Variants in CDC40 observed in about 807,000 individuals in gnomAD.
CDC40 encodes the protein cell division cycle 40, also known as pre-mRNA-processing factor 17.
In CDC40, 27 loss-of-function variants were observed where a neutral mutation model predicts 80.6. The observed-to-expected ratio is 0.33, with a 90% CI of 0.25 to 0.46. CDC40 has a LOEUF of 0.46. Among genes scored for constraint, CDC40 ranks in the 20% least tolerant of loss-of-function variants. The pLI is 1.00. For synonymous variants in CDC40, 221 were observed against 232.6 expected, an observed-to-expected ratio of 0.95 and a Z score of 0.45; for missense variants, 486 against 694.1, an observed-to-expected ratio of 0.70 and a Z score of 3.37.
intron 6 of CDC40, chr6:110,211,606 A>G (rs921284403): frequency 6.5e-6 from 1 of 152,836 alleles, no homozygotes; most frequent in African/African-American, 2.4e-5. Flanking sequence ...TATATATACT[A>G]TGTCATTTAA....
At chr6:110,202,495 T>A (rs1777505991) in intron 3 of CDC40, among the ~76,000 whole-genome samples, 1 of 152,240 alleles carries the variant, frequency 6.6e-6, no homozygotes, top group East Asian at 1.9e-4. Context: ...TTTTAAAGAC[T>A]TATTGTCTTC....
At chr6:110,190,089 T>G (rs561435612) in intron 1 of CDC40, among the ~76,000 whole-genome samples, 2 of 152,368 alleles carry the variant, frequency 1.3e-5, no homozygotes, top group Admixed American at 1.3e-4. Context: ...AGTGAGGATA[T>G]ATGATGTACA....
At chr6:110,184,517 C>T (rs1777240429) in intron 1 of CDC40, among the ~76,000 whole-genome samples, 1 of 150,962 alleles carries the variant, frequency 6.6e-6, no homozygotes, top group Non-Finnish European at 1.5e-5. Context: ...ATTTATTTAA[C>T]TTTCTAACTT....
intron 2 of CDC40, among the ~76,000 whole-genome samples, chr6:110,200,793 CT>C (rs1306784889): frequency 6.6e-6 from 1 of 152,040 alleles, no homozygotes; most frequent in African/African-American, 2.4e-5. Flanking sequence ...AAGGAGAATA[CT>C]TGTTTAACTT....
intron 14 of CDC40, among the ~76,000 whole-genome samples, chr6:110,229,673 A>G (rs1777910344): frequency 1.3e-5 from 2 of 152,140 alleles, no homozygotes; most frequent in South Asian, 2.1e-4. Flanking sequence ...GTTTCTGACT[A>G]TCTAGAGACT....
At chr6:110,225,450 G>T (rs1240586981) in intron 12 of CDC40, among the ~76,000 whole-genome samples, 19 of 135,822 alleles carry the variant, frequency 1.4e-4, no homozygotes, top group Non-Finnish European at 9.6e-5. Context: ...CTCACATGAG[G>T]TTTTTTTTTT....
chr6:110,206,021 G>T (rs939352525), intron 3 of CDC40, among the ~76,000 whole-genome samples: 3 of 152,126 alleles, frequency 2.0e-5, no homozygotes, highest in African/African-American at 7.2e-5. Flanking sequence ...CAGGTGGTTG[G>T]TTCTGTTATA....
Position 110,231,567 on chromosome 6 carries a change from T to G in CDC40, c.*1436T>G, listed in dbSNP as rs1777938955. 1 of 152,240 alleles carries G rather than the reference T, an allele frequency of 6.6e-6. No homozygotes were observed. Among genetic ancestry groups the G allele is most frequent in the Non-Finnish European group, 1.5e-5 (1 of 68,036 alleles). 9.4% of individuals were successfully genotyped at this position (152,240 alleles called of 1,614,324 possible). ...AGCACTTTAATTTGGCAAGCCATTT[T>G]TCCTGTTTTATTATAAATCTATATT... On this transcript the variant is annotated 3_prime_UTR_variant, in exon 15 of 15. Transcript: ENST00000307731.
In CDC40 at chr6:110,217,818, A is replaced by T. The variant is rs1372997126; in HGVS notation, c.1090+15A>T. 8.3e-7 allele frequency: 1 copy of T among 1,201,428 alleles called. No individual in the cohort carries two copies. The highest frequency in any genetic ancestry group is 1.7e-5 in the Admixed American group (1 of 58,676). The allele number at this position is 1,201,428 out of a possible 1,614,324, so 74.4% of individuals were successfully genotyped here. ...CACTGAGACAGGTAAGAGTTCACTTATGCTAATACACATTCATCTTACAAG... is the reference window on the plus strand; with the variant it reads ...CACTGAGACAGGTAAGAGTTCACTTTTGCTAATACACATTCATCTTACAAG... On this transcript the variant is annotated intron_variant, in intron 10 of 14. Coordinates refer to ENST00000307731, the MANE Select transcript of CDC40 (RefSeq NM_015891.3).
chr6:110,185,513 TC>T (rs1777257351), intron 1 of CDC40, among the ~76,000 whole-genome samples: 1 of 152,090 alleles, frequency 6.6e-6, no homozygotes. Flanking sequence ...AAGTGCTGGA[TC>T]TTTTTTTCTT....
chr6:110,201,022 A>G (rs576380579), intron 2 of CDC40, among the ~76,000 whole-genome samples: 38 of 152,216 alleles, frequency 2.5e-4, no homozygotes, highest in African/African-American at 8.2e-4. Context: ...TCCACCCCCA[A>G]TGGAATTCTG....
intron 12 of CDC40, among the ~76,000 whole-genome samples, chr6:110,220,305 T>G (rs1339194959): frequency 6.6e-6 from 1 of 152,148 alleles, no homozygotes; most frequent in Non-Finnish European, 1.5e-5. Flanking sequence ...GTACTGAAAA[T>G]GCCCCATGTA....
chr6:110,208,439 C>T (rs896967174), intron 4 of CDC40, among the ~76,000 whole-genome samples: 3 of 152,166 alleles, frequency 2.0e-5, no homozygotes, highest in Admixed American at 6.5e-5. Flanking sequence ...CCACCTCCTA[C>T]TAATCAAATC....
At chr6:110,199,629 T>C (rs1777466762) in intron 2 of CDC40, among the ~76,000 whole-genome samples, 1 of 151,864 alleles carries the variant, frequency 6.6e-6, no homozygotes. Flanking sequence ...GTTTGGTATG[T>C]ATGGCCTGTA....
chr6:110,212,049 G>A, intron 6 of CDC40, 84 bp from the exon 7 acceptor site: 2 of 1,160,350 alleles, frequency 1.7e-6, no homozygotes, highest in Non-Finnish European at 2.5e-6. Context: ...ATATACCTGT[G>A]AATAAAATGT....
intron 2 of CDC40, among the ~76,000 whole-genome samples, chr6:110,198,709 T>A (rs1204701077): frequency 6.6e-6 from 1 of 152,240 alleles, no homozygotes; most frequent in East Asian, 1.9e-4. Flanking sequence ...TTGTTTGAGC[T>A]AAAAATTGTT....
intron 13 of CDC40, 54 bp downstream of exon 13, chr6:110,226,297 T>G: frequency 8.7e-7 from 1 of 1,146,104 alleles, no homozygotes; most frequent in South Asian, 1.4e-5. Flanking sequence ...TACAGTGTGA[T>G]TTCTTTATTC....
At chr6:110,213,278 T>C in intron 8 of CDC40, 118 bp downstream of exon 8, 1 of 676,540 alleles carries the variant, frequency 1.5e-6, no homozygotes, top group Admixed American at 2.3e-5. Flanking sequence ...TATTTTCTCT[T>C]AGATCCTGTA....
chr6:110,197,292 C>G (rs1689883450), intron 2 of CDC40, among the ~76,000 whole-genome samples: 1 of 152,084 alleles, frequency 6.6e-6, no homozygotes, highest in Admixed American at 6.5e-5. Flanking sequence ...TACTTACATA[C>G]TTTTTAATAA....
Sources: allele counts gnomAD v4.1 joint callset (sites outside exome capture counted in the v4.1 genomes callset), GRCh38; gene constraint gnomAD v4.1.1; transcripts MANE v1.5; gene names NCBI Gene and HGNC (gene_info 2026-07-23, HGNC 2026-07-21).